C14orf93: variants seen among roughly 807,000 people sequenced by gnomAD.
The protein encoded by C14orf93 is uncharacterized protein C14orf93.
In C14orf93, 23 loss-of-function variants were observed where a neutral mutation model predicts 44.0. The observed-to-expected ratio is 0.52, with a 90% CI of 0.38 to 0.74. C14orf93 has a LOEUF of 0.74. C14orf93 is among the 30% of genes least tolerant of loss of function. The probability of loss-of-function intolerance (pLI) is 0.00; values close to 1 mark genes in which losing one functional copy is unlikely to be tolerated. For synonymous variants in C14orf93, 253 were observed against 265.7 expected, an observed-to-expected ratio of 0.95 and a Z score of 0.46; for missense variants, 579 against 678.9, an observed-to-expected ratio of 0.85 and a Z score of 1.64.
At chr14:22,992,291 C>T (rs188860471) in intron 3 of C14orf93, among the ~76,000 whole-genome samples, 13 of 151,836 alleles carry the variant, frequency 8.6e-5, no homozygotes, top group African/African-American at 2.9e-4. Context: ...CATGGTGAAA[C>T]CTCATCTCTA....
rs368550319 is a variant in C14orf93 at position 22,996,982 on chromosome 14, C to T, written c.598-714G>A. On this transcript the variant is annotated intron_variant, in intron 2 of 6. Coordinates refer to ENST00000299088, the MANE Select transcript of C14orf93 (RefSeq NM_021944.4). The surrounding 1 kb of genome is among the most constrained non-coding windows in gnomAD (Gnocchi z 4.1). ...CTGAAAGTGGGGACACACACGCACA[C>T]GCACACACACACACACACACACACA... is the stretch of plus-strand genomic sequence containing the variant. Among the ~76,000 whole-genome samples, 5 of 53,816 alleles carry T rather than the reference C, an allele frequency of 9.3e-5. No individual in the cohort carries two copies. Among genetic ancestry groups the T allele is most frequent in the East Asian group, 3.1e-4 (1 of 3,274 alleles). The allele number at this position is 53,816 out of a possible 152,430, so 35.3% of individuals were successfully genotyped here.
At position 23,008,517 on chromosome 14, in the gene C14orf93, A is replaced by AT. The variant is rs900427156; in HGVS notation, c.-380+1583dup. 7.1e-3 allele frequency among the ~76,000 whole-genome samples: 1,050 copies of AT among 147,906 alleles called. 11 individuals are homozygous for AT. Among genetic ancestry groups the AT allele is most frequent in the African/African-American group, 0.018 (726 of 40,538 alleles). ...TAATGAAATTTAAATTCTACAGTAG[A>AT]TTTTTTTTTTTGTCTCCTGGTTGTC... On this transcript the variant is annotated intron_variant, in intron 1 of 6. Coordinates refer to ENST00000299088, the MANE Select transcript of C14orf93 (RefSeq NM_021944.4).
At chr14:23,007,757 G>C (rs2046701632) in intron 1 of C14orf93, among the ~76,000 whole-genome samples, 1 of 152,150 alleles carries the variant, frequency 6.6e-6, no homozygotes, top group Non-Finnish European at 1.5e-5. Context: ...TTCAGGGAGA[G>C]CTCTCCCTAT....
At position 22,987,693 on chromosome 14, in the gene C14orf93, G is replaced by A; in HGVS notation, c.1198-59C>T. The A allele has an allele frequency of 1.3e-6, 2 of 1,505,428 alleles. No individual in the cohort carries two copies. Among genetic ancestry groups the A allele is most frequent in the Non-Finnish European group, 1.8e-6 (2 of 1,125,278 alleles). The allele number at this position is 1,505,428 out of a possible 1,614,324, so 93.3% of individuals were successfully genotyped here. On this transcript the variant is annotated intron_variant, in intron 6 of 6. Coordinates refer to ENST00000299088, the MANE Select transcript of C14orf93 (RefSeq NM_021944.4). This position sits in a 1 kb window ranked among gnomAD's most constrained non-coding sequence, Gnocchi z 5.6. The stretch of plus-strand genomic sequence containing the variant: ...GTAAACATTCTATGGATTAGATTTG[G>A]GGAAAAGGTTTGGTGGGGAAGGCTG...
chr14:22,999,282 C>G lies in C14orf93; in HGVS notation c.-259G>C, dbSNP rs1383954980. ...TGTGCTCTCCTAGCACATCACAAAT[C>G]AAGGCCTTCCTGATGAACGGTTTCA... On this transcript the variant is annotated 5_prime_UTR_variant, in exon 2 of 7. Transcript: ENST00000299088. The G allele has an allele frequency of 5.0e-6, 2 of 396,766 alleles. No individual in the cohort carries two copies. The highest frequency in any genetic ancestry group is 4.4e-5 in the East Asian group (1 of 22,664). 24.6% of individuals were successfully genotyped at this position (396,766 alleles called of 1,614,324 possible).
chr14:23,001,977 T>A (rs2046327121), intron 1 of C14orf93, among the ~76,000 whole-genome samples: 1 of 147,980 alleles, frequency 6.8e-6, no homozygotes, highest in African/African-American at 2.5e-5. Context: ...TGAAACCCCG[T>A]CTCTACTAAA....
At position 22,994,497 on chromosome 14, in the gene C14orf93, C is replaced by T. The variant is rs147527760; in HGVS notation, c.918+1451G>A. Among the ~76,000 whole-genome samples, 125 of 150,560 alleles carry T rather than the reference C, an allele frequency of 8.3e-4. 1 individual carries two copies. The highest frequency in any genetic ancestry group is 2.9e-3 in the African/African-American group (118 of 40,860). ...CTCCAGCCTGGGTGACAGAGCGAGA[C>T]TAAAAACAATATCCCCACAGTTGTC... On this transcript the variant is annotated intron_variant, in intron 3 of 6. Coordinates refer to ENST00000299088, the MANE Select transcript of C14orf93 (RefSeq NM_021944.4).
intron 3 of C14orf93, among the ~76,000 whole-genome samples, chr14:22,992,521 C>A (rs2045711475): frequency 6.7e-6 from 1 of 150,218 alleles, no homozygotes; most frequent in Non-Finnish European, 1.5e-5. Flanking sequence ...AAAATCTGTT[C>A]CCAGTTTTGC....
At chr14:22,991,170 C>CT (rs75085875) in intron 3 of C14orf93, among the ~76,000 whole-genome samples, 13,788 of 143,540 alleles carry the variant, frequency 0.096, 2,117 homozygotes, top group African/African-American at 0.33. Flanking sequence ...TATTTCTTTT[C>CT]TTTTTTTTTT....
intron 1 of C14orf93, 132 bp from the exon 2 acceptor site, chr14:22,999,534 A>G (rs1324984769): frequency 6.5e-6 from 1 of 153,332 alleles, no homozygotes; most frequent in African/African-American, 2.4e-5. Flanking sequence ...AACACTTCAC[A>G]TAAGTTACCT....
chr14:23,003,737 G>A (rs767586676), intron 1 of C14orf93, among the ~76,000 whole-genome samples: 24 of 149,468 alleles, frequency 1.6e-4, no homozygotes, highest in Admixed American at 8.0e-4. Context: ...GGAGGCAGAG[G>A]TTGCAGTGAG....
Position 22,999,178 on chromosome 14 carries a change from G to T in C14orf93, c.-155C>A. 8.1e-7 allele frequency: 1 copy of T among 1,240,856 alleles called. No individual in the cohort carries two copies. Among genetic ancestry groups the T allele is most frequent in the Non-Finnish European group, 1.1e-6 (1 of 918,736 alleles). 76.9% of individuals were successfully genotyped at this position (1,240,856 alleles called of 1,614,324 possible). On this transcript the variant is annotated 5_prime_UTR_variant, in exon 2 of 7. Transcript: ENST00000299088. Reference sequence around the variant, plus strand: ...GGGTCTGTGAAAGAAGAGTAAACAAGCCATGAAGAAGCACACAGTCCATGG... The same window carrying T: ...GGGTCTGTGAAAGAAGAGTAAACAATCCATGAAGAAGCACACAGTCCATGG...
chr14:23,004,914 G>A lies in C14orf93; in HGVS notation c.-380+5187C>T, dbSNP rs148699901. 8.2e-3 allele frequency among the ~76,000 whole-genome samples: 1,246 copies of A among 152,210 alleles called. 8 individuals are homozygous for A. Among genetic ancestry groups the A allele is most frequent in the Middle Eastern group, 0.017 (5 of 294 alleles). On this transcript the variant is annotated intron_variant, in intron 1 of 6. Transcript: ENST00000299088. ...GCCTGGGCAACAAGAGTGAAACTCC[G>A]TCTCAAAAATAAATAAACAAACAAA...
chr14:22,992,455 G>C (rs2045702400), intron 3 of C14orf93, among the ~76,000 whole-genome samples: 1 of 135,366 alleles, frequency 7.4e-6, no homozygotes, highest in Non-Finnish European at 1.5e-5. Flanking sequence ...AATAAAGTGA[G>C]ACTCTGTTTC....
At position 22,999,086 on chromosome 14, in the gene C14orf93, C is replaced by A. The variant is rs191621232; in HGVS notation, c.-63G>T. On this transcript the variant is annotated 5_prime_UTR_variant, in exon 2 of 7. Transcript: ENST00000299088. ...GGCCGCTCCAACAGGTAGGAAGCATCAACTTCTCTGGACTCACTTTCCTTT... is the reference window on the plus strand; with the variant it reads ...GGCCGCTCCAACAGGTAGGAAGCATAAACTTCTCTGGACTCACTTTCCTTT... 3.4e-3 allele frequency: 5,158 copies of A among 1,533,364 alleles called. 10 individuals are homozygous for A. The highest frequency in any genetic ancestry group is 4.4e-3 in the Middle Eastern group (25 of 5,698). 95.0% of individuals were successfully genotyped at this position (1,533,364 alleles called of 1,614,324 possible). A position where few individuals can be genotyped will look rare whatever the true frequency, so the allele number is the denominator to read the frequency against.
In C14orf93 at chr14:22,987,147, G is replaced by A. The variant is rs2045266198; in HGVS notation, c.*68C>T. The A allele has an allele frequency of 6.8e-7, 1 of 1,460,058 alleles. No homozygotes were observed. The highest frequency in any genetic ancestry group is 1.4e-5 in the African/African-American group (1 of 70,760). The allele number at this position is 1,460,058 out of a possible 1,614,324, so 90.4% of individuals were successfully genotyped here. On this transcript the variant is annotated 3_prime_UTR_variant, in exon 7 of 7. Transcript: ENST00000299088. The surrounding 1 kb of genome is among the most constrained non-coding windows in gnomAD (Gnocchi z 5.6). ...ACAGAGCATCTCATTATTTTGTGAA[G>A]CCCCATGGCCACCTATTTCTGAGAC... is the stretch of plus-strand genomic sequence containing the variant.
rs1566687497 is a variant in C14orf93, at chr14:22,998,863, GC to G, written c.160del (p.Ala54LeufsTer37). On this transcript the variant is annotated frameshift_variant, in exon 2 of 7. Transcript: ENST00000299088. LOFTEE classifies it high-confidence loss of function. ...CAGGAGCTGCTCTGAGCTCTGAACA[GC>G]CAAGCCATGTCCAGTCACTGTGATG... ...TPITVTGHGL[A>X]VQSSEQLLHV... The G allele has an allele frequency of 6.2e-7, 1 of 1,613,958 alleles. No individual in the cohort carries two copies. The highest frequency in any genetic ancestry group is 1.1e-5 in the South Asian group (1 of 91,072).
intron 1 of C14orf93, among the ~76,000 whole-genome samples, chr14:23,001,893 A>C (rs2046320875): frequency 6.7e-6 from 1 of 149,028 alleles, no homozygotes; most frequent in Admixed American, 6.7e-5. Flanking sequence ...TCACGCCTGT[A>C]ATCCCAGCAC....
intron 5 of C14orf93, 100 bp downstream of exon 5, chr14:22,989,642 C>A: frequency 2.4e-6 from 2 of 850,204 alleles, no homozygotes; most frequent in South Asian, 1.6e-5. Flanking sequence ...TCAAAACCAC[C>A]TAATCATCTC....
Sources: gnomAD v4.1 joint callset for allele counts (sites outside exome capture counted in the v4.1 genomes callset) on GRCh38, gnomAD v4.1.1 for gene constraint, Gnocchi (gnomAD v3.1) non-coding constraint, MANE v1.5 for transcripts, NCBI Gene and HGNC (gene_info 2026-07-23, HGNC 2026-07-21) for gene names.